The following TOMM70 variants were observed in gnomAD, a reference collection of about 807,000 sequenced individuals.
TOMM70 encodes the protein mitochondrial import receptor subunit TOM70.
In TOMM70, 13 loss-of-function variants were observed where a neutral mutation model predicts 73.6. That is an observed-to-expected ratio of 0.18 (90% CI 0.11 to 0.28). TOMM70 has a LOEUF of 0.28. Ranked by LOEUF, TOMM70 falls within the 10% of genes least tolerant of loss-of-function variation. The pLI, the probability that TOMM70 is intolerant of heterozygous loss-of-function variation, is 1.00. For synonymous variants in TOMM70, 257 were observed against 271.2 expected, an observed-to-expected ratio of 0.95 and a Z score of 0.51; for missense variants, 609 against 747.5, an observed-to-expected ratio of 0.81 and a Z score of 2.16.
chr3:100,398,338 C>T (rs1344785977), intron 1 of TOMM70, among the ~76,000 whole-genome samples: 3 of 144,800 alleles, frequency 2.1e-5, no homozygotes, highest in Non-Finnish European at 3.0e-5. Context: ...GAGCCAAGAT[C>T]GTGCCACTGC....
intron 7 of TOMM70, 46 bp downstream of exon 7, chr3:100,374,972 A>C (rs376568243): frequency 1.0e-4 from 155 of 1,479,850 alleles, no homozygotes; most frequent in Non-Finnish European, 1.3e-4. Flanking sequence ...AATGGTATCA[A>C]AGCTCAATCC....
chr3:100,368,509 C>G (rs1377759978), intron 10 of TOMM70, among the ~76,000 whole-genome samples: 1 of 152,180 alleles, frequency 6.6e-6, no homozygotes, highest in Non-Finnish European at 1.5e-5. Context: ...TATAAGCCAA[C>G]AGCTGACAGG....
chr3:100,395,531 C>T lies in TOMM70; in HGVS notation c.324+5095G>A, dbSNP rs190414855. On this transcript the variant is annotated intron_variant, in intron 1 of 11. Transcript: ENST00000284320. ...GCACTCCAGCCTGGGTGACAGAGCG[C>T]GACTCCAACTCAAAAAAAAAAAAAA... Among the ~76,000 whole-genome samples the T allele has an allele frequency of 3.8e-3, 499 of 130,084 alleles. 5 individuals are homozygous for T. Among genetic ancestry groups the T allele is most frequent in the Middle Eastern group, 0.016 (4 of 246 alleles). The allele number at this position is 130,084 out of a possible 152,430, so 85.3% of individuals were successfully genotyped here. A position where few individuals can be genotyped will look rare whatever the true frequency, so the allele number is the denominator to read the frequency against.
At chr3:100,392,125 C>T (rs1374630185) in intron 1 of TOMM70, among the ~76,000 whole-genome samples, 1 of 152,112 alleles carries the variant, frequency 6.6e-6, no homozygotes, top group African/African-American at 2.4e-5. Flanking sequence ...AGCATAGGTG[C>T]GTAGGAGACT....
At chr3:100,382,295 A>C (rs953872548) in intron 4 of TOMM70, among the ~76,000 whole-genome samples, 41 of 152,232 alleles carry the variant, frequency 2.7e-4, no homozygotes, top group African/African-American at 9.9e-4. Context: ...AGTTTAATGG[A>C]AACATGCGAT....
At chr3:100,393,036 C>T (rs1322047436) in intron 1 of TOMM70, among the ~76,000 whole-genome samples, 2 of 151,922 alleles carry the variant, frequency 1.3e-5, no homozygotes, top group Non-Finnish European at 2.9e-5. Context: ...ATTAGCTGGG[C>T]ATGGTGGCGC....
rs141227349 is a variant in TOMM70, at chr3:100,376,369, G to GTTTTTTTTTTTTTTTTTTTTTTTTTTTT, written c.1093-1218_1093-1217insAAAAAAAAAAAAAAAAAAAAAAAAAAAA. 9.5e-4 allele frequency among the ~76,000 whole-genome samples: 116 copies of GTTTTTTTTTTTTTTTTTTTTTTTTTTTT among 121,724 alleles called. 9 individuals carry two copies. The highest frequency in any genetic ancestry group is 2.5e-3 in the African/African-American group (68 of 27,042). The allele number at this position is 121,724 out of a possible 152,430, so 79.9% of individuals were successfully genotyped here. On this transcript the variant is annotated intron_variant, in intron 6 of 11. Transcript: ENST00000284320. Reference sequence around the variant, plus strand: ...CTTGATGGTGTCTTTTCACACAGAAGTTTTTTTTTTTTTTTGAGACAGGAT... The same window carrying GTTTTTTTTTTTTTTTTTTTTTTTTTTTT: ...CTTGATGGTGTCTTTTCACACAGAAGTTTTTTTTTTTTTTTTTTTTTTTTTTTTTTTTTTTTTTTTTTTGAGACAGGAT...
rs1279498152 is a variant in TOMM70, at chr3:100,369,139, T to C, written c.1453-4A>G. ...ACTGTTGTTGATCTGTTAATGCCTA[T>C]GTGAGGAGATACTTCAGTTATATTA... On this transcript the variant is annotated splice_polypyrimidine_tract_variant and splice_region_variant and intron_variant, in intron 9 of 11. Coordinates refer to ENST00000284320, the MANE Select transcript of TOMM70 (RefSeq NM_014820.5). The C allele has an allele frequency of 5.6e-6, 9 of 1,596,238 alleles. No individual in the cohort carries two copies. The highest frequency in any genetic ancestry group is 7.7e-6 in the Non-Finnish European group (9 of 1,164,802).
intron 9 of TOMM70, 48 bp from the exon 10 acceptor site, chr3:100,369,183 G>T: frequency 1.5e-6 from 2 of 1,293,284 alleles, no homozygotes; most frequent in Non-Finnish European, 2.2e-6. Context: ...GTCAACCTAA[G>T]CAGTTAAAAG....
intron 11 of TOMM70, 119 bp from the exon 12 acceptor site, chr3:100,365,836 G>T: frequency 3.6e-6 from 4 of 1,119,574 alleles, no homozygotes; most frequent in Non-Finnish European, 5.1e-6. Context: ...ATTCAATGAA[G>T]GTTGTAAGTG....
chr3:100,382,513 A>T (rs1299271452), intron 4 of TOMM70, among the ~76,000 whole-genome samples: 1 of 152,222 alleles, frequency 6.6e-6, no homozygotes, highest in East Asian at 1.9e-4. Context: ...AATTCGTTTT[A>T]ATTTAGGATA....
chr3:100,374,250 G>A (rs903527590), intron 7 of TOMM70, among the ~76,000 whole-genome samples: 11 of 152,108 alleles, frequency 7.2e-5, no homozygotes, highest in African/African-American at 2.4e-5. Flanking sequence ...TGCTATACAC[G>A]TTTGTAGCTT....
intron 5 of TOMM70, among the ~76,000 whole-genome samples, chr3:100,380,396 G>T (rs1352697477): frequency 3.3e-5 from 5 of 151,956 alleles, no homozygotes; most frequent in Non-Finnish European, 7.4e-5. Flanking sequence ...CAGATTAGAA[G>T]TAATCCCACT....
intron 9 of TOMM70, among the ~76,000 whole-genome samples, chr3:100,370,058 T>C (rs1221996369): frequency 7.0e-6 from 1 of 142,966 alleles, no homozygotes; most frequent in African/African-American, 2.9e-5. Flanking sequence ...TCTTAGTCTT[T>C]TCATATCTAA....
At chr3:100,383,716 A>G (rs1706661359) in intron 4 of TOMM70, among the ~76,000 whole-genome samples, 1 of 152,212 alleles carries the variant, frequency 6.6e-6, no homozygotes, top group African/African-American at 2.4e-5. Context: ...AATTCAAGAA[A>G]AAAGCAAGTT....
intron 1 of TOMM70, among the ~76,000 whole-genome samples, chr3:100,389,366 AAAGG>A (rs778964952): frequency 1.3e-5 from 2 of 152,218 alleles, no homozygotes; most frequent in African/African-American, 2.4e-5. Flanking sequence ...CAAAAAGCAG[AAAGG>A]AAGGAAAAAT....
At chr3:100,381,846 C>A in intron 4 of TOMM70, 83 bp from the exon 5 acceptor site, 1 of 1,326,910 alleles carries the variant, frequency 7.5e-7, no homozygotes. Flanking sequence ...CTAAGAATAA[C>A]TGTCATAAAA....
At chr3:100,372,802 T>C in intron 8 of TOMM70, 80 bp from the exon 9 acceptor site, 3 of 1,195,872 alleles carry the variant, frequency 2.5e-6, no homozygotes, top group South Asian at 1.3e-5. Flanking sequence ...CAAAATTACA[T>C]AAATATTTCC....
intron 1 of TOMM70, among the ~76,000 whole-genome samples, chr3:100,392,517 G>A (rs1432481494): frequency 6.6e-6 from 1 of 152,118 alleles, no homozygotes; most frequent in Non-Finnish European, 1.5e-5. Context: ...CTGGGTTCAA[G>A]TGATTCTTCT....
Sources: allele counts gnomAD v4.1 joint callset (sites outside exome capture counted in the v4.1 genomes callset), GRCh38; gene constraint gnomAD v4.1.1; transcripts MANE v1.5; gene names NCBI Gene and HGNC (gene_info 2026-07-23, HGNC 2026-07-21).